SPHKAP: variants seen among roughly 807,000 people sequenced by gnomAD.
The protein encoded by SPHKAP is SPHK1 interactor, AKAP domain containing.
A neutral mutation model predicts 137.5 loss-of-function variants in SPHKAP; 67 were observed. The observed-to-expected ratio is 0.49, with a 90% CI of 0.40 to 0.60. SPHKAP has a LOEUF of 0.60. Ranked by LOEUF, SPHKAP falls within the 20% of genes least tolerant of loss-of-function variation. The pLI, the probability that SPHKAP is intolerant of heterozygous loss-of-function variation, is 0.00. For synonymous variants in SPHKAP, 813 were observed against 785.3 expected (o/e 1.04, Z -0.59); for missense variants, 2,097 against 2,069.3 (o/e 1.01, Z -0.26).
chr2:227,987,934 G>T (rs1693272257), intron 11 of SPHKAP, among the ~76,000 whole-genome samples: 2 of 152,180 alleles, frequency 1.3e-5, no homozygotes, highest in South Asian at 2.1e-4. Flanking sequence ...CAATACCCTA[G>T]TGACAGTGGG....
intron 7 of SPHKAP, among the ~76,000 whole-genome samples, chr2:228,006,813 C>T (rs1374730134): frequency 6.6e-6 from 1 of 152,136 alleles, no homozygotes; most frequent in Admixed American, 6.5e-5. Context: ...CACTCCAGAC[C>T]CTGTTTGCCT....
chr2:228,144,371 G>T (rs896143794), intron 1 of SPHKAP, among the ~76,000 whole-genome samples: 1 of 152,114 alleles, frequency 6.6e-6, no homozygotes, highest in Admixed American at 6.6e-5. Flanking sequence ...TTTCCACGAT[G>T]TAGTTCCAGT....
intron 3 of SPHKAP, among the ~76,000 whole-genome samples, chr2:228,042,978 T>C (rs1574791995): frequency 6.6e-6 from 1 of 152,162 alleles, no homozygotes; most frequent in Non-Finnish European, 1.5e-5. Context: ...CAGGGAATGA[T>C]TGCAAGAGAT....
Position 227,981,532 on chromosome 2 carries a change from G to C in SPHKAP, c.*185C>G. ...CTCACCCACAAGTTGTATGAATTTG[G>C]ACAGACCTATATTTTGCTTTTCCTC... On this transcript the variant is annotated 3_prime_UTR_variant, in exon 12 of 12. Coordinates refer to ENST00000392056, the MANE Select transcript of SPHKAP (RefSeq NM_001142644.2). The C allele has an allele frequency of 1.8e-6, 1 of 569,248 alleles. No individual in the cohort carries two copies. Among genetic ancestry groups the C allele is most frequent in the Non-Finnish European group, 2.8e-6 (1 of 359,100 alleles). The allele number at this position is 569,248 out of a possible 1,614,324, so 35.3% of individuals were successfully genotyped here.
chr2:228,029,976 CATTTTCTTTAGTTTTCTG>C (rs1168512625), intron 3 of SPHKAP, among the ~76,000 whole-genome samples: 1 of 152,160 alleles, frequency 6.6e-6, no homozygotes, highest in Non-Finnish European at 1.5e-5. Context: ...TGCCCTCCAA[CATTTTCTTTAGTTTTCTG>C]AGGATGAACT....
intron 3 of SPHKAP, among the ~76,000 whole-genome samples, chr2:228,035,550 C>CA (rs1319830994): frequency 6.6e-6 from 1 of 151,952 alleles, no homozygotes; most frequent in Non-Finnish European, 1.5e-5. Flanking sequence ...TCATATGGAA[C>CA]AAAAAAAGAG....
chr2:228,026,231 A>G (rs528169226), intron 4 of SPHKAP, among the ~76,000 whole-genome samples: 1 of 152,236 alleles, frequency 6.6e-6, no homozygotes, highest in South Asian at 2.1e-4. Flanking sequence ...TTCTTATGTA[A>G]ATTGCCCAGT....
At chr2:228,021,001 C>T (rs1050927253) in intron 6 of SPHKAP, among the ~76,000 whole-genome samples, 2 of 152,106 alleles carry the variant, frequency 1.3e-5, no homozygotes, top group Admixed American at 1.3e-4. Flanking sequence ...TTACGGCAAC[C>T]TCAGTAGTGG....
intron 7 of SPHKAP, among the ~76,000 whole-genome samples, chr2:228,001,370 CATAA>C (rs1327122930): frequency 9.3e-5 from 13 of 140,142 alleles, no homozygotes; most frequent in African/African-American, 3.1e-4. Context: ...TATATACACA[CATAA>C]ATATATATAC....
chr2:228,030,543 CA>C (rs1553615001), intron 3 of SPHKAP, among the ~76,000 whole-genome samples: 26 of 78,726 alleles, frequency 3.3e-4, no homozygotes, highest in South Asian at 4.3e-4. Context: ...CAACAAAAAA[CA>C]AAAAAAAAAA....
At chr2:228,108,358 T>C (rs1240158248) in intron 3 of SPHKAP, among the ~76,000 whole-genome samples, 2 of 152,206 alleles carry the variant, frequency 1.3e-5, no homozygotes, top group African/African-American at 2.4e-5. Context: ...AGCGTCAATA[T>C]ATTAAAATGT....
chr2:228,133,028 C>T (rs1005508891), intron 1 of SPHKAP, among the ~76,000 whole-genome samples: 1 of 149,806 alleles, frequency 6.7e-6, no homozygotes, highest in Non-Finnish European at 1.5e-5. Context: ...CAAAAAAGGC[C>T]GGGCATGGTG....
chr2:228,068,377 A>C (rs766419428), intron 3 of SPHKAP, among the ~76,000 whole-genome samples: 1 of 152,136 alleles, frequency 6.6e-6, no homozygotes, highest in East Asian at 1.9e-4. Context: ...AAAAAAAACA[A>C]CACCTTAAAA....
intron 1 of SPHKAP, among the ~76,000 whole-genome samples, chr2:228,160,229 T>C (rs550974357): frequency 6.6e-6 from 1 of 152,334 alleles, no homozygotes; most frequent in South Asian, 2.1e-4. Flanking sequence ...AATTTAAATG[T>C]TCTTTAGCTA....
chr2:228,016,682 G>A lies in SPHKAP; in HGVS notation c.4172C>T (p.Ala1391Val), dbSNP rs1377415170. Reference sequence around the variant, plus strand: ...TAAAGGGCTGTGGTTTGTAAGAGAAGCAGTTTTGCTCAAAGATGACACTGG... The same window carrying A: ...TAAAGGGCTGTGGTTTGTAAGAGAAACAGTTTTGCTCAAAGATGACACTGG... ...QPPVSSLSKT[A>V]SLTNHSPLDS... Residue 1391 changes from alanine to valine, a missense_variant, in exon 7 of 12, where the codon GCT (alanine) becomes GTT (valine). Coordinates refer to ENST00000392056, the MANE Select transcript of SPHKAP (RefSeq NM_001142644.2). The A allele has an allele frequency of 2.5e-6, 4 of 1,614,000 alleles. No homozygotes were observed. The African/African-American group carries it at 5.3e-5, about 22-fold the overall frequency.
rs58510792 is a variant in SPHKAP, at chr2:228,046,291, C to CTTTTTTTTTTTTTTTTT, written c.247-18765_247-18749dup. Among the ~76,000 whole-genome samples, 11 of 82,524 alleles carry CTTTTTTTTTTTTTTTTT rather than the reference C, an allele frequency of 1.3e-4. 1 individual carries two copies. Among genetic ancestry groups the CTTTTTTTTTTTTTTTTT allele is most frequent in the African/African-American group, 1.9e-4 (4 of 20,528 alleles). 54.1% of individuals were successfully genotyped at this position (82,524 alleles called of 152,430 possible). ...CTGCATGCTGAATACTGTTGTTATT[C>CTTTTTTTTTTTTTTTTT]TTTTTTTTTTTTTTTTTTTTTGGTC... is the stretch of plus-strand genomic sequence containing the variant. On this transcript the variant is annotated intron_variant, in intron 3 of 11. Transcript: ENST00000392056.
At chr2:228,150,714 T>C (rs1482850013) in intron 1 of SPHKAP, among the ~76,000 whole-genome samples, 1 of 151,968 alleles carries the variant, frequency 6.6e-6, no homozygotes, top group Non-Finnish European at 1.5e-5. Flanking sequence ...ATTTGTATTT[T>C]CAAAGAACCA....
chr2:228,063,906 CAATCTTT>C (rs1696743123), intron 3 of SPHKAP, among the ~76,000 whole-genome samples: 1 of 152,188 alleles, frequency 6.6e-6, no homozygotes, highest in African/African-American at 2.4e-5. Context: ...ATAAATTGGT[CAATCTTT>C]AAGTGCTAAT....
chr2:228,131,791 G>C, intron 2 of SPHKAP, 189 bp downstream of exon 2: 1 of 984,270 alleles, frequency 1.0e-6, no homozygotes, highest in African/African-American at 1.7e-5. Flanking sequence ...TTCTATGCCT[G>C]AATTTTCTCA....
Sources: gnomAD v4.1 joint callset for allele counts (sites outside exome capture counted in the v4.1 genomes callset) on GRCh38, gnomAD v4.1.1 for gene constraint, MANE v1.5 for transcripts, NCBI Gene and HGNC (gene_info 2026-07-23, HGNC 2026-07-21) for gene names.